Variants in CPEB1 observed in about 807,000 individuals in gnomAD.
The protein encoded by CPEB1 is cytoplasmic polyadenylation element-binding protein 1.
Under a neutral mutation model 65.8 loss-of-function variants are expected in CPEB1, and 7 were observed. That is an observed-to-expected ratio of 0.11 (90% CI 0.06 to 0.20). The LOEUF (loss-of-function observed/expected upper bound fraction) is 0.20. Ranked by LOEUF, CPEB1 falls within the 10% of genes least tolerant of loss-of-function variation. CPEB1 has a pLI of 1.00. For synonymous variants in CPEB1, 262 were observed against 260.0 expected (o/e 1.01, Z -0.08); for missense variants, 551 against 712.2 (o/e 0.77, Z 2.58).
rs750499583 is a variant in CPEB1 at position 82,546,444 on chromosome 15, A to G, written c.1653T>C (p.Asp551=). ...ACTTCATAGACATCGGACCCACCTG[A>G]TCTCGACAGAAGAAAGGACCAGGCT... ...SSQPGPFFCR[D]QVCFKYFCRS... Residue 551 remains aspartate, a synonymous_variant, in exon 12 of 13, where the codon GAT becomes GAC. Coordinates refer to ENST00000684509, the MANE Select transcript of CPEB1 (RefSeq NM_001365242.1). The G allele has an allele frequency of 1.9e-6, 3 of 1,613,446 alleles. No individual in the cohort carries two copies. The highest frequency in any genetic ancestry group is 1.1e-5 in the South Asian group (1 of 91,058).
intron 3 of CPEB1, chr15:82,573,281 T>C (rs776814434): frequency 5.2e-5 from 47 of 897,810 alleles, no homozygotes; most frequent in Admixed American, 1.8e-4. Context: ...CCATCCACGT[T>C]ATTCCTCCTG....
chr15:82,555,745 A>G, intron 6 of CPEB1, 125 bp downstream of exon 6: 1 of 959,678 alleles, frequency 1.0e-6, no homozygotes, highest in Non-Finnish European at 1.5e-6. Flanking sequence ...TTCTTTGCAG[A>G]TCTGGAGACT....
intron 3 of CPEB1, among the ~76,000 whole-genome samples, chr15:82,625,621 T>A (rs1341331820): frequency 1.3e-5 from 2 of 152,146 alleles, no homozygotes; most frequent in African/African-American, 4.8e-5. Context: ...CAGCCCTCCA[T>A]ACGTGTGGGT....
chr15:82,548,076 C>T (rs929495210), intron 10 of CPEB1, among the ~76,000 whole-genome samples: 26 of 152,242 alleles, frequency 1.7e-4, no homozygotes, highest in African/African-American at 6.0e-4. Context: ...GTGGCTCACA[C>T]CTGTAAACCC....
At chr15:82,599,722 T>C (rs2042945905) in intron 3 of CPEB1, among the ~76,000 whole-genome samples, 2 of 152,094 alleles carry the variant, frequency 1.3e-5, no homozygotes, top group Non-Finnish European at 2.9e-5. Flanking sequence ...ATGAATAGGA[T>C]AGTCTATCCA....
intron 3 of CPEB1, among the ~76,000 whole-genome samples, chr15:82,626,685 G>A (rs552254937): frequency 6.6e-6 from 1 of 151,302 alleles, no homozygotes; most frequent in East Asian, 2.0e-4. Flanking sequence ...ACATTCGAGA[G>A]CTACACTGTC....
intron 10 of CPEB1, 86 bp from the exon 11 acceptor site, chr15:82,547,323 G>C: frequency 2.8e-6 from 2 of 714,192 alleles, no homozygotes; most frequent in Non-Finnish European, 4.4e-6. Context: ...TTGAGATGGA[G>C]TCTCGCTCTT....
chr15:82,636,729 G>GT (rs1696172625), intron 1 of CPEB1, among the ~76,000 whole-genome samples: 1 of 152,096 alleles, frequency 6.6e-6, no homozygotes, highest in Non-Finnish European at 1.5e-5. Context: ...CCCCAGAATA[G>GT]TATCTGCTGC....
chr15:82,617,248 C>T (rs1268900061), intron 3 of CPEB1, among the ~76,000 whole-genome samples: 1 of 152,168 alleles, frequency 6.6e-6, no homozygotes, highest in African/African-American at 2.4e-5. Flanking sequence ...TAGTTTATTC[C>T]TCTTTACTGC....
At chr15:82,588,118 ATT>A (rs11337546) in intron 3 of CPEB1, among the ~76,000 whole-genome samples, 2 of 149,546 alleles carry the variant, frequency 1.3e-5, no homozygotes, top group East Asian at 4.0e-4. Context: ...TTGTTTTTGT[ATT>A]TTTTTTTTGT....
At chr15:82,567,391 C>A (rs2039312157) in intron 4 of CPEB1, among the ~76,000 whole-genome samples, 1 of 151,984 alleles carries the variant, frequency 6.6e-6, no homozygotes. Flanking sequence ...GTAATCCCAG[C>A]ATTTTGGGAG....
intron 3 of CPEB1, among the ~76,000 whole-genome samples, chr15:82,608,067 C>T (rs990611724): frequency 6.6e-5 from 10 of 152,324 alleles, no homozygotes; most frequent in African/African-American, 2.4e-4. Flanking sequence ...CAAGGTTAAC[C>T]AGGAGAGAGA....
chr15:82,578,101 C>A (rs2040867271), intron 3 of CPEB1, among the ~76,000 whole-genome samples: 1 of 152,088 alleles, frequency 6.6e-6, no homozygotes, highest in Non-Finnish European at 1.5e-5. Flanking sequence ...GATCGTGCCA[C>A]TGCACTCCAG....
At chr15:82,565,879 A>T (rs1313814782) in intron 4 of CPEB1, among the ~76,000 whole-genome samples, 2 of 152,170 alleles carry the variant, frequency 1.3e-5, no homozygotes, top group African/African-American at 4.8e-5. Context: ...CCTAGAACAG[A>T]CGTACCCATC....
intron 3 of CPEB1, among the ~76,000 whole-genome samples, chr15:82,613,735 T>TCA (rs1299826171): frequency 3.9e-5 from 6 of 152,306 alleles, no homozygotes; most frequent in Middle Eastern, 3.4e-3. Flanking sequence ...ATTCACAACT[T>TCA]CAGCATATTT....
At chr15:82,569,011 G>C (rs1056475857) in intron 4 of CPEB1, among the ~76,000 whole-genome samples, 3 of 152,228 alleles carry the variant, frequency 2.0e-5, no homozygotes, top group African/African-American at 7.2e-5. Flanking sequence ...TCTACACAGA[G>C]ACAACAGTGT....
At chr15:82,634,681 T>A (rs879458370) in intron 1 of CPEB1, among the ~76,000 whole-genome samples, 13 of 152,318 alleles carry the variant, frequency 8.5e-5, no homozygotes, top group Middle Eastern at 3.4e-3. Context: ...GACAAAAATG[T>A]GTTCACACTA....
At chr15:82,569,878 G>T (rs1019841606) in intron 4 of CPEB1, among the ~76,000 whole-genome samples, 1 of 152,154 alleles carries the variant, frequency 6.6e-6, no homozygotes, top group Non-Finnish European at 1.5e-5. Flanking sequence ...TGGAAGTGAG[G>T]ACAGGGGAGG....
chr15:82,634,434 T>A (rs533713101), intron 1 of CPEB1, among the ~76,000 whole-genome samples: 1 of 152,232 alleles, frequency 6.6e-6, no homozygotes, highest in Non-Finnish European at 1.5e-5. Context: ...TACTCACCTG[T>A]CGTAAATGAA....
Sources: allele counts gnomAD v4.1 joint callset (sites outside exome capture counted in the v4.1 genomes callset), GRCh38; gene constraint gnomAD v4.1.1; transcripts MANE v1.5; gene names NCBI Gene and HGNC (gene_info 2026-07-23, HGNC 2026-07-21).